Variants in CATSPERG observed in about 807,000 individuals in gnomAD.
CATSPERG encodes cation channel sperm-associated auxiliary subunit gamma.
In CATSPERG, 115 loss-of-function variants were observed where a neutral mutation model predicts 145.0. That is an observed-to-expected ratio of 0.79 (90% CI 0.68 to 0.93). The LOEUF (loss-of-function observed/expected upper bound fraction) is 0.93, where lower values mean the gene tolerates loss of function less well. CATSPERG is among the 40% of genes least tolerant of loss of function. The pLI, the probability that CATSPERG is intolerant of heterozygous loss-of-function variation, is 0.00. For missense variants in CATSPERG, 1,296 were observed against 1,490.1 expected (o/e 0.87, Z 2.14); for synonymous variants, 588 against 589.0 (o/e 1.00, Z 0.02).
rs138706418 is a variant in CATSPERG, at chr19:38,347,277, C to T, written c.825+672C>T. 5.4e-3 allele frequency among the ~76,000 whole-genome samples: 828 copies of T among 152,242 alleles called. 8 individuals are homozygous for T. Among genetic ancestry groups the T allele is most frequent in the African/African-American group, 0.019 (804 of 41,546 alleles). ...CCTGTAATCCCAGCTACTCAGGAGG[C>T]TGAGGCAGGAGAATGGCATGAAGCC... On this transcript the variant is annotated intron_variant, in intron 7 of 28. Transcript: ENST00000409235.
At chr19:38,351,168 C>T (rs1161485367) in intron 7 of CATSPERG, among the ~76,000 whole-genome samples, 1 of 152,192 alleles carries the variant, frequency 6.6e-6, no homozygotes, top group Admixed American at 6.6e-5. Context: ...AAAGCCAACA[C>T]AATCACCATG....
chr19:38,367,096 C>G, intron 22 of CATSPERG, 60 bp from the exon 23 acceptor site: 1 of 1,499,140 alleles, frequency 6.7e-7, no homozygotes. Context: ...TGCCCCTTAC[C>G]CCTCCAGGGG....
chr19:38,352,595 CTTTTTTTTTTTTTT>C (rs576701757), intron 8 of CATSPERG, 163 bp downstream of exon 8: 1 of 314,058 alleles, frequency 3.2e-6, no homozygotes, highest in Non-Finnish European at 5.8e-6. Context: ...TTGCCTTGCC[CTTTTTTTTTTTTTT>C]TTTTTTTTTT....
In CATSPERG at chr19:38,367,275, C is replaced by G; in HGVS notation, c.2733C>G (p.Asn911Lys). Residue 911 changes from asparagine to lysine, a missense_variant, in exon 23 of 29, where the codon AAC (asparagine) becomes AAG (lysine). By Grantham distance (94) the Asn-to-Lys change is moderately conservative (BLOSUM62 0). Transcript: ENST00000409235. The stretch of plus-strand genomic sequence containing the variant: ...ACAAACACTACTTTGACTGCGTTAA[C>G]GTGAACCCGGAGATGCCCTGCTTTC... ...LKNKHYFDCV[N>K]VNPEMPCFLF... 3 of 1,613,624 alleles carry G rather than the reference C, an allele frequency of 1.9e-6. No individual in the cohort carries two copies. The highest frequency in any genetic ancestry group is 1.7e-6 in the Non-Finnish European group (2 of 1,180,020).
chr19:38,354,782 CTG>C lies in CATSPERG; in HGVS notation c.1071_1072del (p.Glu358ValfsTer11). On this transcript the variant is annotated frameshift_variant, in exon 9 of 29. Transcript: ENST00000409235. LOFTEE classifies it high-confidence loss of function. The stretch of plus-strand genomic sequence containing the variant: ...CCTGTGTATTTCCATAGCAATGGCT[CTG>C]AGTACATAATGGCCCTCACCACGGG... 2.5e-6 allele frequency: 4 copies of C among 1,614,104 alleles called. No individual in the cohort carries two copies. Among genetic ancestry groups the C allele is most frequent in the Non-Finnish European group, 3.4e-6 (4 of 1,180,022 alleles).
intron 20 of CATSPERG, 106 bp from the exon 21 acceptor site, chr19:38,364,785 A>G: frequency 1.1e-6 from 1 of 893,226 alleles, no homozygotes; most frequent in Middle Eastern, 2.3e-4. Flanking sequence ...CCGTTTTCCT[A>G]CCAGCCACCA....
At position 38,362,444 on chromosome 19, in the gene CATSPERG, C is replaced by G; in HGVS notation, c.2226C>G (p.Tyr742Ter). Reference protein sequence around the residue: ...AGGVSIEMDSYEKIYNLESAY... With the variant: ...AGGVSIEMDS ...GCGTGTCCATAGAAATGGACAGCTA[C>G]GAAAAGATCTACAACCTCGAGTCCG... Residue 742 changes from tyrosine to a stop codon, truncating the protein, a stop_gained, in exon 19 of 29, where the codon TAC becomes TAG. Transcript: ENST00000409235. LOFTEE classifies it high-confidence loss of function. The G allele has an allele frequency of 6.2e-7, 1 of 1,614,066 alleles. No individual in the cohort carries two copies. The highest frequency in any genetic ancestry group is 8.5e-7 in the Non-Finnish European group (1 of 1,180,034).
At chr19:38,362,923 G>A in intron 20 of CATSPERG, 91 bp downstream of exon 20, 1 of 889,482 alleles carries the variant, frequency 1.1e-6, no homozygotes. Context: ...CTGTCGCTCA[G>A]GCTGGAGTGC....
chr19:38,336,872 G>A (rs1044881551), intron 1 of CATSPERG, among the ~76,000 whole-genome samples: 1 of 152,048 alleles, frequency 6.6e-6, no homozygotes, highest in Non-Finnish European at 1.5e-5. Flanking sequence ...GAGGAGCAGG[G>A]GTGTGGCCAG....
At chr19:38,363,575 A>C (rs1185237163) in intron 20 of CATSPERG, among the ~76,000 whole-genome samples, 1 of 151,240 alleles carries the variant, frequency 6.6e-6, no homozygotes, top group East Asian at 1.9e-4. Context: ...ACAAGTGAAC[A>C]AAGGTCTCTG....
intron 22 of CATSPERG, 57 bp downstream of exon 22, chr19:38,365,174 C>T: frequency 7.0e-7 from 1 of 1,437,712 alleles, no homozygotes; most frequent in Non-Finnish European, 9.8e-7. Context: ...CGGGTCTCAA[C>T]AGGGCTAATC....
At chr19:38,336,132 G>C (rs1052031691) in intron 1 of CATSPERG, 12 of 455,176 alleles carry the variant, frequency 2.6e-5, no homozygotes, top group Admixed American at 1.9e-4. Context: ...GAGCAGGCAG[G>C]TGTTAATGGC....
chr19:38,338,431 A>G (rs1054025168), intron 3 of CATSPERG, among the ~76,000 whole-genome samples: 2 of 152,190 alleles, frequency 1.3e-5, no homozygotes, highest in Non-Finnish European at 2.9e-5. Context: ...TACAGGCGTG[A>G]GCCACCTCAC....
intron 11 of CATSPERG, among the ~76,000 whole-genome samples, chr19:38,357,864 A>C (rs1970273062): frequency 6.6e-6 from 1 of 152,150 alleles, no homozygotes; most frequent in African/African-American, 2.4e-5. Context: ...AGGTGGAAGA[A>C]TCACTTGAAC....
At chr19:38,346,891 T>C (rs1970050462) in intron 7 of CATSPERG, among the ~76,000 whole-genome samples, 1 of 152,146 alleles carries the variant, frequency 6.6e-6, no homozygotes, top group African/African-American at 2.4e-5. Flanking sequence ...ATTTACTTCA[T>C]AGGATTGTTG....
intron 1 of CATSPERG, chr19:38,336,198 T>G (rs1969832302): frequency 2.2e-6 from 1 of 450,604 alleles, no homozygotes; most frequent in African/African-American, 2.1e-5. Flanking sequence ...GAGGGGAAGG[T>G]GAGACTCAAG....
chr19:38,336,904 C>G, intron 1 of CATSPERG: 1 of 450,392 alleles, frequency 2.2e-6, no homozygotes, highest in Non-Finnish European at 4.1e-6. Context: ...GGGCTGGGGC[C>G]CGGAGCAATA....
At chr19:38,359,877 C>T (rs1970314080) in intron 14 of CATSPERG, 1 of 1,133,926 alleles carries the variant, frequency 8.8e-7, no homozygotes, top group Non-Finnish European at 1.1e-6. Context: ...TGCCCCCGTG[C>T]TGGAGAACAC....
At chr19:38,348,990 T>C (rs1970089444) in intron 7 of CATSPERG, 2 of 152,108 alleles carry the variant, frequency 1.3e-5, no homozygotes, top group Admixed American at 1.3e-4. Context: ...AAATAAACCC[T>C]GGGTTTGTTT....
Sources: allele counts gnomAD v4.1 joint callset (sites outside exome capture counted in the v4.1 genomes callset), GRCh38; gene constraint gnomAD v4.1.1; transcripts MANE v1.5; gene names NCBI Gene and HGNC (gene_info 2026-07-23, HGNC 2026-07-21).